WNT5A: variants seen among roughly 807,000 people sequenced by gnomAD.
WNT5A encodes Wnt family member 5A.
A neutral mutation model predicts 42.1 loss-of-function variants in WNT5A; 9 were observed. The ratio of observed to expected loss-of-function variants is 0.21; its 90% confidence interval spans 0.13 to 0.37. The LOEUF (loss-of-function observed/expected upper bound fraction) is 0.37. Ranked by LOEUF, WNT5A falls within the 10% of genes least tolerant of loss-of-function variation. WNT5A has a pLI of 1.00. For missense variants in WNT5A, 426 were observed against 534.0 expected (o/e 0.80, Z 1.99); for synonymous variants, 210 against 210.0 (o/e 1.00, Z 0.00).
chr3:55,483,820 CG>C lies in WNT5A; in HGVS notation c.7-2903del, dbSNP rs1190393240. Reference sequence around the variant, plus strand: ...GTTCTTGATCCTTCTTTACCAACCACGGTGCGGGCCAGGCGTGATGAGGGAT... The same window carrying C: ...GTTCTTGATCCTTCTTTACCAACCACGTGCGGGCCAGGCGTGATGAGGGAT... On this transcript the variant is annotated intron_variant, in intron 1 of 4. Transcript: ENST00000264634. This position sits in a 1 kb window ranked among gnomAD's most constrained non-coding sequence, Gnocchi z 4.2. 2.0e-5 allele frequency among the ~76,000 whole-genome samples: 3 copies of C among 152,174 alleles called. No homozygotes were observed. Among genetic ancestry groups the C allele is most frequent in the Admixed American group, 2.0e-4 (3 of 15,288 alleles).
intron 3 of WNT5A, among the ~76,000 whole-genome samples, chr3:55,476,424 A>G (rs1014808451): frequency 1.5e-4 from 23 of 152,286 alleles, no homozygotes; most frequent in African/African-American, 5.3e-4. Context: ...GACAATATAC[A>G]GCTTCTAGGG....
intron 3 of WNT5A, chr3:55,479,053 C>A (rs1364676304): frequency 6.7e-6 from 2 of 298,906 alleles, no homozygotes; most frequent in Non-Finnish European, 1.2e-5. Context: ...AAACAAAATG[C>A]TTTATAGAAA....
the WNT5A span, among the ~76,000 whole-genome samples, chr3:55,501,365 G>T: frequency 6.6e-6 from 1 of 152,312 alleles, no homozygotes; most frequent in Middle Eastern, 3.4e-3. Context: ...TCCAAATGTG[G>T]TATTCATTTT....
chr3:55,479,100 C>T (rs937583597), intron 3 of WNT5A: 1 of 412,294 alleles, frequency 2.4e-6, no homozygotes, highest in Non-Finnish European at 4.2e-6. Flanking sequence ...GTCTGTGATA[C>T]TTGCCTCCTG....
chr3:55,482,943 A>G (rs530912714), intron 1 of WNT5A, among the ~76,000 whole-genome samples: 19 of 152,320 alleles, frequency 1.2e-4, no homozygotes, highest in African/African-American at 4.1e-4. Context: ...GTGCATAGAC[A>G]CACACGCTGC....
At chr3:55,476,909 A>C (rs1423464188) in intron 3 of WNT5A, among the ~76,000 whole-genome samples, 3 of 152,202 alleles carry the variant, frequency 2.0e-5, no homozygotes, top group Non-Finnish European at 2.9e-5. Flanking sequence ...CAAAAGCTGG[A>C]AGGAAAGGGT....
the WNT5A span, chr3:55,501,537 C>T: frequency 6.6e-6 from 1 of 152,158 alleles, no homozygotes; most frequent in South Asian, 2.1e-4. Context: ...GATGTTGAGA[C>T]TGAGAAAAGA....
At chr3:55,491,757 G>A (rs564600877), upstream of WNT5A, among the ~76,000 whole-genome samples, 4 of 152,332 alleles carry the variant, frequency 2.6e-5, no homozygotes, top group African/African-American at 9.6e-5. Context: ...AAAGAGGGAT[G>A]GGCCCCAGGG....
chr3:55,485,408 G>A (rs1486404840), intron 1 of WNT5A, among the ~76,000 whole-genome samples: 1 of 152,058 alleles, frequency 6.6e-6, no homozygotes, highest in Non-Finnish European at 1.5e-5. Context: ...GGGCCTCCTG[G>A]GGAGGGTCTT....
chr3:55,484,267 G>A (rs1414811744), intron 1 of WNT5A, among the ~76,000 whole-genome samples: 1 of 152,214 alleles, frequency 6.6e-6, no homozygotes, highest in Non-Finnish European at 1.5e-5. Flanking sequence ...TAGCAGGAGA[G>A]CACTCAGTTG....
At chr3:55,491,666 T>A (rs1559562110), upstream of WNT5A, among the ~76,000 whole-genome samples, 1 of 152,188 alleles carries the variant, frequency 6.6e-6, no homozygotes, top group Non-Finnish European at 1.5e-5. Context: ...CCTGGGTTTA[T>A]GGTGGTGTTT....
upstream of WNT5A, chr3:55,487,603 C>T (rs369083006): frequency 1.3e-5 from 2 of 152,850 alleles, no homozygotes; most frequent in Non-Finnish European, 2.9e-5. Flanking sequence ...GTAGCCGAAA[C>T]GTCTGCTTCC....
In WNT5A at chr3:55,484,013, C is replaced by T. The variant is rs537890811; in HGVS notation, c.6+2967G>A. Among the ~76,000 whole-genome samples the T allele has an allele frequency of 7.1e-4, 108 of 152,230 alleles. 2 individuals are homozygous for T. The highest frequency in any genetic ancestry group is 9.8e-4 in the Admixed American group (15 of 15,310). Reference sequence around the variant, plus strand: ...AGCAAAGATCCTCTCCCCTCGGCCCCGGGGCACTGCCACATTCAGTCTAGG... The same window carrying T: ...AGCAAAGATCCTCTCCCCTCGGCCCTGGGGCACTGCCACATTCAGTCTAGG... On this transcript the variant is annotated intron_variant, in intron 1 of 4. Coordinates refer to ENST00000264634, the MANE Select transcript of WNT5A (RefSeq NM_003392.7).
At chr3:55,499,186 C>A in the WNT5A span, among the ~76,000 whole-genome samples, 1 of 152,156 alleles carries the variant, frequency 6.6e-6, no homozygotes, top group African/African-American at 2.4e-5. Flanking sequence ...ATTTGGATAG[C>A]CTCACAGAGG....
chr3:55,484,506 G>C (rs2051535081), intron 1 of WNT5A, among the ~76,000 whole-genome samples: 1 of 152,200 alleles, frequency 6.6e-6, no homozygotes, highest in African/African-American at 2.4e-5. Flanking sequence ...AGAGAAGGCG[G>C]AGGTTACACC....
chr3:55,490,294 C>T (rs1427323963), upstream of WNT5A: 1 of 152,218 alleles, frequency 6.6e-6, no homozygotes, highest in East Asian at 1.9e-4. Context: ...GGATAATCAC[C>T]TGCTTCTCTC....
Position 55,467,876 on chromosome 3 carries a change from G to A in WNT5A, c.*2216C>T, listed in dbSNP as rs1055405273. The A allele has an allele frequency of 3.3e-5, 5 of 152,026 alleles. No homozygotes were observed. Among genetic ancestry groups the A allele is most frequent in the African/African-American group, 4.8e-5 (2 of 41,404 alleles). 9.4% of individuals were successfully genotyped at this position (152,026 alleles called of 1,614,324 possible). ...ATAAAAAAAGTACTTCATGGTTTTT[G>A]TATAATAAAAACCAAAAAAGTGACA... On this transcript the variant is annotated 3_prime_UTR_variant, in exon 5 of 5. Transcript: ENST00000264634.
Position 55,487,146 on chromosome 3 carries a change from G to C in WNT5A, c.-161C>G. ...GGGCGCAGTGAACCGGAGCTGAAGC[G>C]GGCACTGGCGCCCGGGCCTGGACTC... On this transcript the variant is annotated 5_prime_UTR_variant, in exon 1 of 5. Coordinates refer to ENST00000264634, the MANE Select transcript of WNT5A (RefSeq NM_003392.7). 1.6e-6 allele frequency: 1 copy of C among 621,444 alleles called. No individual in the cohort carries two copies. Among genetic ancestry groups the C allele is most frequent in the South Asian group, 2.0e-5 (1 of 51,210 alleles). 38.5% of individuals were successfully genotyped at this position (621,444 alleles called of 1,614,324 possible).
At position 55,466,768 on chromosome 3, in the gene WNT5A, A is replaced by T. The variant is rs2051151005; in HGVS notation, c.*3324T>A. 1 of 152,642 alleles carries T rather than the reference A, an allele frequency of 6.6e-6. No homozygotes were observed. The highest frequency in any genetic ancestry group is 1.5e-5 in the Non-Finnish European group (1 of 68,038). The allele number at this position is 152,642 out of a possible 1,614,324, so 9.5% of individuals were successfully genotyped here. A position where few individuals can be genotyped will look rare whatever the true frequency, so the allele number is the denominator to read the frequency against. ...TTTTTGCAATAAAGAACACTGGTCA[A>T]TATACAACTGAGGAAAAACTGAAAC... is the stretch of plus-strand genomic sequence containing the variant. On this transcript the variant is annotated 3_prime_UTR_variant, in exon 5 of 5. Transcript: ENST00000264634.
Sources: gnomAD v4.1 joint callset for allele counts (sites outside exome capture counted in the v4.1 genomes callset) on GRCh38, gnomAD v4.1.1 for gene constraint, Gnocchi (gnomAD v3.1) non-coding constraint, MANE v1.5 for transcripts, NCBI Gene and HGNC (gene_info 2026-07-23, HGNC 2026-07-21) for gene names.